The following CSNK1G3 variants were observed in gnomAD, a reference collection of about 807,000 sequenced individuals.
CSNK1G3 encodes casein kinase 1 gamma 3.
In CSNK1G3, 23 loss-of-function variants were observed where a neutral mutation model predicts 64.3. The observed-to-expected ratio is 0.36, with a 90% CI of 0.26 to 0.51. The LOEUF (loss-of-function observed/expected upper bound fraction) is 0.51, where lower values mean the gene tolerates loss of function less well. CSNK1G3 is among the 20% of genes least tolerant of loss of function. The probability of loss-of-function intolerance (pLI) is 0.96; values close to 1 mark genes in which losing one functional copy is unlikely to be tolerated. For missense variants in CSNK1G3, 357 were observed against 510.5 expected (o/e 0.70, Z 2.90); for synonymous variants, 158 against 162.2 (o/e 0.97, Z 0.20).
At chr5:123,595,221 C>A in intron 10 of CSNK1G3, 87 bp downstream of exon 11, 1 of 1,213,226 alleles carries the variant, frequency 8.2e-7, no homozygotes, top group Non-Finnish European at 1.2e-6. Flanking sequence ...GATTTCATAT[C>A]TTAATGGAAA....
At chr5:123,571,119 A>G (rs1788009333) in intron 4 of CSNK1G3, among the ~76,000 whole-genome samples, 1 of 151,970 alleles carries the variant, frequency 6.6e-6, no homozygotes, top group African/African-American at 2.4e-5. Context: ...TAGCAAGAGG[A>G]GATGGGACAA....
chr5:123,570,346 C>CTTTTTTTTTTTTTTTTTTT (rs370362447), intron 4 of CSNK1G3, among the ~76,000 whole-genome samples: 2 of 130,550 alleles, frequency 1.5e-5, no homozygotes, highest in Non-Finnish European at 1.6e-5. Flanking sequence ...ACAGTCCTTT[C>CTTTTTTTTTTTTTTTTTTT]TTTTTTTTTT....
intron 1 of CSNK1G3, among the ~76,000 whole-genome samples, chr5:123,514,472 G>A (rs943177965): frequency 6.6e-6 from 1 of 152,212 alleles, no homozygotes; most frequent in African/African-American, 2.4e-5. Flanking sequence ...TCTGTGGCAA[G>A]GATGGAACAG....
At chr5:123,606,403 G>T (rs757207811) in intron 12 of CSNK1G3, among the ~76,000 whole-genome samples, 2 of 152,134 alleles carry the variant, frequency 1.3e-5, no homozygotes, top group Non-Finnish European at 2.9e-5. Flanking sequence ...TAGGGTGGTG[G>T]TGTGGCAGAT....
At chr5:123,595,686 C>G (rs1793304920) in intron 10 of CSNK1G3, among the ~76,000 whole-genome samples, 1 of 152,028 alleles carries the variant, frequency 6.6e-6, no homozygotes, top group South Asian at 2.1e-4. Context: ...ATTAAATACT[C>G]CCCTCAATAA....
chr5:123,535,877 A>G (rs1368787935), intron 1 of CSNK1G3, among the ~76,000 whole-genome samples: 1 of 152,048 alleles, frequency 6.6e-6, no homozygotes, highest in African/African-American at 2.4e-5. Flanking sequence ...TCCTAGTTTC[A>G]GACTTGGCAC....
intron 10 of CSNK1G3, among the ~76,000 whole-genome samples, chr5:123,597,101 G>A (rs866894252): frequency 2.8e-4 from 42 of 152,000 alleles, no homozygotes; most frequent in African/African-American, 9.4e-4. Context: ...GGCAGAAAGG[G>A]AAACAATATG....
At chr5:123,570,722 G>A (rs529850052) in intron 4 of CSNK1G3, among the ~76,000 whole-genome samples, 238 of 152,262 alleles carry the variant, frequency 1.6e-3, no homozygotes, top group Middle Eastern at 0.014. Flanking sequence ...GTTCTAACAA[G>A]CTTTGATCTG....
rs1366739460 is a variant in CSNK1G3, at chr5:123,605,607, T to C, written c.1217+245T>C. On this transcript the variant is annotated intron_variant, in intron 12 of 12. Transcript: ENST00000345990. ...CATAGATTTGGGGCCACTTTTTAAT[T>C]GCATAGATGATACACCAACCCTGCT... Among the ~76,000 whole-genome samples the C allele has an allele frequency of 2.0e-5, 3 of 152,148 alleles. No homozygotes were observed. The East Asian group carries it at 5.8e-4, about 29-fold the overall frequency.
intron 1 of CSNK1G3, among the ~76,000 whole-genome samples, chr5:123,519,203 G>A (rs1225668472): frequency 6.6e-6 from 1 of 151,900 alleles, no homozygotes; most frequent in Non-Finnish European, 1.5e-5. Flanking sequence ...ACAGGCAGTC[G>A]CCACCTTTCC....
At chr5:123,549,399 A>G (rs979128240) in intron 2 of CSNK1G3, among the ~76,000 whole-genome samples, 1 of 152,204 alleles carries the variant, frequency 6.6e-6, no homozygotes, top group South Asian at 2.1e-4. Context: ...GAATTAGCCA[A>G]AAACTCAGCT....
intron 1 of CSNK1G3, among the ~76,000 whole-genome samples, chr5:123,515,630 A>G (rs912765973): frequency 3.3e-5 from 5 of 152,202 alleles, no homozygotes; most frequent in Admixed American, 3.3e-4. Context: ...CTTAATCATT[A>G]TCAAAGGAGT....
In CSNK1G3 at chr5:123,590,479, TAAGA is replaced by T. The variant is rs1792136726; in HGVS notation, c.915_918del (p.Arg305SerfsTer59). The T allele has an allele frequency of 6.5e-7, 1 of 1,538,258 alleles. No individual in the cohort carries two copies. Among genetic ancestry groups the T allele is most frequent in the African/African-American group, 1.4e-5 (1 of 70,346 alleles). ...TTTGAAAAACCAGACTATGACTACT[TAAGA>T]AAGCTTTTTACTGACTTGTTTGATC... On this transcript the variant is annotated frameshift_variant, in exon 9 of 13. Transcript: ENST00000345990. LOFTEE classifies it high-confidence loss of function.
At chr5:123,537,531 A>T (rs971694673) in intron 1 of CSNK1G3, among the ~76,000 whole-genome samples, 2 of 152,148 alleles carry the variant, frequency 1.3e-5, no homozygotes, top group African/African-American at 4.8e-5. Flanking sequence ...TATGCAATCT[A>T]TGTATGTAAC....
At chr5:123,519,597 A>G (rs1777743955) in intron 1 of CSNK1G3, among the ~76,000 whole-genome samples, 1 of 152,100 alleles carries the variant, frequency 6.6e-6, no homozygotes, top group Non-Finnish European at 1.5e-5. Flanking sequence ...TTTGCTTATC[A>G]TATCTAGGGG....
At chr5:123,604,686 G>T (rs756905020) in intron 10 of CSNK1G3, 38 bp from the exon 12 acceptor site, 2 of 1,064,082 alleles carry the variant, frequency 1.9e-6, no homozygotes, top group South Asian at 2.7e-5. Context: ...GCATGTGTGT[G>T]TACATATACA....
chr5:123,535,099 T>C (rs1780575361), intron 1 of CSNK1G3, among the ~76,000 whole-genome samples: 1 of 152,178 alleles, frequency 6.6e-6, no homozygotes, highest in Non-Finnish European at 1.5e-5. Context: ...GTGGCACTAC[T>C]GTCAAGTTAT....
chr5:123,563,102 A>G (rs1190203401), intron 4 of CSNK1G3, among the ~76,000 whole-genome samples: 6 of 152,058 alleles, frequency 3.9e-5, no homozygotes, highest in Admixed American at 1.3e-4. Context: ...TAATTAGCTG[A>G]TATTTTTAAT....
intron 10 of CSNK1G3, among the ~76,000 whole-genome samples, chr5:123,592,412 AGAAAGCTGTT>A (rs1161522694): frequency 6.6e-6 from 1 of 152,046 alleles, no homozygotes; most frequent in Non-Finnish European, 1.5e-5. Flanking sequence ...GTAAAGGAAT[AGAAAGCTGTT>A]GAAATTTTTG....
Sources: allele counts gnomAD v4.1 joint callset (sites outside exome capture counted in the v4.1 genomes callset), GRCh38; gene constraint gnomAD v4.1.1; transcripts MANE v1.5; gene names NCBI Gene and HGNC (gene_info 2026-07-23, HGNC 2026-07-21).